Variants in KANK1 observed in about 807,000 individuals in gnomAD.
KANK1 encodes KN motif and ankyrin repeat domains 1.
Under a neutral mutation model 106.2 loss-of-function variants are expected in KANK1, and 109 were observed. The observed-to-expected ratio is 1.03, with a 90% CI of 0.88 to 1.20. The LOEUF is 1.20. Among genes scored for constraint, KANK1 ranks in the 50% most tolerant of loss-of-function variants. The probability of loss-of-function intolerance (pLI) is 0.00; values close to 1 mark genes in which losing one functional copy is unlikely to be tolerated. For missense variants in KANK1, 2,399 were observed against 1,710.7 expected (o/e 1.40, Z -7.10); for synonymous variants, 873 against 652.2 (o/e 1.34, Z -5.16).
chr9:503,018 T>A (rs1438161870), upstream of KANK1, among the ~76,000 whole-genome samples: 3 of 147,290 alleles, frequency 2.0e-5, no homozygotes, highest in East Asian at 5.9e-4. Context: ...TTTTTTTTTT[T>A]TTTTTTTTTT....
At chr9:671,625 A>AAAAAAAAAAG (rs1563962324) in intron 1 of KANK1, among the ~76,000 whole-genome samples, 1 of 121,768 alleles carries the variant, frequency 8.2e-6, no homozygotes, top group Non-Finnish European at 1.6e-5. Flanking sequence ...CAAAAAAAAA[A>AAAAAAAAAAG]AAGAGTGTAC....
chr9:730,226 C>G lies in KANK1; in HGVS notation c.2874C>G (p.Asp958Glu). 1 of 1,614,216 alleles carries G rather than the reference C, an allele frequency of 6.2e-7. No individual in the cohort carries two copies. The highest frequency in any genetic ancestry group is 8.5e-7 in the Non-Finnish European group (1 of 1,180,032). ...GTLSPVNLTD[D>E]QIAAGLYACT... ...TGTCTCCAGTGAACCTGACAGACGA[C>G]CAGATCGCCGCTGGCCTCTATGGTA... is the stretch of plus-strand genomic sequence containing the variant. The change falls in exon 4 of 12, where the codon GAC (aspartate) becomes GAG (glutamate). Residue 958 changes from aspartate (D) to glutamate (E), a missense_variant. Physicochemically the swap from Asp to Glu is conservative, Grantham distance 45. Transcript: ENST00000382297.
At chr9:642,453 G>A (rs996523940) in intron 1 of KANK1, among the ~76,000 whole-genome samples, 2 of 151,024 alleles carry the variant, frequency 1.3e-5, no homozygotes, top group African/African-American at 2.5e-5. Flanking sequence ...GAAGAGTAGA[G>A]CTTAGCTGGC....
intron 1 of KANK1, among the ~76,000 whole-genome samples, chr9:567,188 T>C (rs1818016769): frequency 6.6e-6 from 1 of 152,190 alleles, no homozygotes; most frequent in South Asian, 2.1e-4. Flanking sequence ...CTCTCGTCTG[T>C]TCCCTTGGTC....
At chr9:676,309 G>T (rs762845135) in intron 1 of KANK1, among the ~76,000 whole-genome samples, 1 of 152,112 alleles carries the variant, frequency 6.6e-6, no homozygotes, top group African/African-American at 2.4e-5. Flanking sequence ...TTTATCCAAC[G>T]GCACAGTGGG....
At chr9:607,331 C>A (rs374195210) in intron 1 of KANK1, among the ~76,000 whole-genome samples, 35 of 151,396 alleles carry the variant, frequency 2.3e-4, no homozygotes, top group African/African-American at 7.1e-4. Context: ...ACTATAAATA[C>A]AAAAATTAGC....
intron 2 of KANK1, among the ~76,000 whole-genome samples, chr9:685,846 A>G (rs1378115966): frequency 2.0e-5 from 3 of 152,212 alleles, no homozygotes; most frequent in Non-Finnish European, 4.4e-5. Flanking sequence ...GATAAATCCC[A>G]TCCATCAGCT....
intron 3 of KANK1, among the ~76,000 whole-genome samples, chr9:486,716 C>T (rs1273328386): frequency 6.6e-6 from 1 of 152,122 alleles, no homozygotes. Flanking sequence ...TTTTTCTGAA[C>T]TTATATTTCC....
chr9:555,215 A>G (rs2061509165), intron 1 of KANK1, among the ~76,000 whole-genome samples: 1 of 152,182 alleles, frequency 6.6e-6, no homozygotes, highest in Non-Finnish European at 1.5e-5. Context: ...GTCTTATACC[A>G]CGTCAGTAAT....
At chr9:482,374 G>A (rs1438206125) in intron 3 of KANK1, among the ~76,000 whole-genome samples, 1 of 152,170 alleles carries the variant, frequency 6.6e-6, no homozygotes, top group Non-Finnish European at 1.5e-5. Flanking sequence ...CACCTTTGTT[G>A]GGGTACTAAG....
At chr9:704,177 G>T (rs1306340662) in intron 2 of KANK1, among the ~76,000 whole-genome samples, 2 of 152,188 alleles carry the variant, frequency 1.3e-5, no homozygotes, top group African/African-American at 4.8e-5. Flanking sequence ...AGAATTCAGT[G>T]TAACTCCAAG....
intron 1 of KANK1, among the ~76,000 whole-genome samples, chr9:671,228 TTTTTTTTGTTTG>T (rs1218986963): frequency 6.6e-6 from 1 of 151,866 alleles, no homozygotes; most frequent in Non-Finnish European, 1.5e-5. Context: ...TGGTGGAGTT[TTTTTTTTGTTTG>T]TTTTTTGTTT....
chr9:620,878 TAAC>T (rs1250609151), intron 1 of KANK1, among the ~76,000 whole-genome samples: 1 of 152,182 alleles, frequency 6.6e-6, no homozygotes, highest in Admixed American at 6.5e-5. Context: ...ACAGCCCTCT[TAAC>T]AATTTTACTC....
At chr9:622,975 A>G (rs1182263216) in intron 1 of KANK1, among the ~76,000 whole-genome samples, 1 of 152,156 alleles carries the variant, frequency 6.6e-6, no homozygotes, top group African/African-American at 2.4e-5. Context: ...ACAGGGGAAA[A>G]AAGCTTCTTG....
rs997955641 is a variant in KANK1 at position 710,939 on chromosome 9, T to C, written c.173T>C (p.Ile58Thr). The C allele has an allele frequency of 6.2e-7, 1 of 1,614,112 alleles. No homozygotes were observed. ...YVDDIQKGNT[I>T]KRLNIQKRRK... ...GATGACATACAGAAGGGAAATACCATCAAAAGACTGAACATCCAGAAGAGG... is the reference window on the plus strand; with the variant it reads ...GATGACATACAGAAGGGAAATACCACCAAAAGACTGAACATCCAGAAGAGG... The change falls in exon 3 of 12, where the codon ATC becomes ACC. Residue 58 changes from isoleucine to threonine, a missense_variant. Physicochemically the swap from Ile to Thr is moderately conservative, Grantham distance 89. Transcript: ENST00000382297.
At chr9:647,970 T>G (rs1840058102) in intron 1 of KANK1, among the ~76,000 whole-genome samples, 2 of 149,314 alleles carry the variant, frequency 1.3e-5, no homozygotes, top group African/African-American at 5.1e-5. Context: ...GTCTACGGAT[T>G]AGAGACCACC....
Position 711,976 on chromosome 9 carries a change from G to A in KANK1, c.1210G>A (p.Gly404Ser). 2 of 1,614,170 alleles carry A rather than the reference G, an allele frequency of 1.2e-6. No homozygotes were observed. Among genetic ancestry groups the A allele is most frequent in the Non-Finnish European group, 1.7e-6 (2 of 1,180,028 alleles). Reference protein sequence around the residue: ...ENGECRSVAVGAEENMNDIVV... With the variant: ...ENGECRSVAVSAEENMNDIVV... ...TGGAGAGTGCCGGTCTGTGGCTGTGGGTGCCGAGGAGAACATGAACGACAT... is the reference window on the plus strand; with the variant it reads ...TGGAGAGTGCCGGTCTGTGGCTGTGAGTGCCGAGGAGAACATGAACGACAT... Residue 404 changes from glycine to serine, a missense_variant, in exon 3 of 12, where the codon GGT becomes AGT. Gly to Ser is a moderately conservative substitution (Grantham distance 56). Coordinates refer to ENST00000382297, the MANE Select transcript of KANK1 (RefSeq NM_015158.5).
intron 1 of KANK1, among the ~76,000 whole-genome samples, chr9:560,574 C>G (rs556923816): frequency 1.4e-4 from 22 of 152,300 alleles, no homozygotes; most frequent in African/African-American, 5.3e-4. Context: ...CATAAAGATG[C>G]ATTCACTTTG....
chr9:663,967 G>A (rs1418055290), intron 1 of KANK1, among the ~76,000 whole-genome samples: 1 of 152,100 alleles, frequency 6.6e-6, no homozygotes, highest in Non-Finnish European at 1.5e-5. Flanking sequence ...AGGTCGTATG[G>A]TTTGGCTGTA....
Sources: gnomAD v4.1 joint callset for allele counts (sites outside exome capture counted in the v4.1 genomes callset) on GRCh38, gnomAD v4.1.1 for gene constraint, MANE v1.5 for transcripts, NCBI Gene and HGNC (gene_info 2026-07-23, HGNC 2026-07-21) for gene names.